The following SLC27A6 variants were observed in gnomAD, a reference collection of about 807,000 sequenced individuals.
SLC27A6 encodes the protein solute carrier family 27 member 6.
A neutral mutation model predicts 63.9 loss-of-function variants in SLC27A6; 74 were observed. That is an observed-to-expected ratio of 1.16 (90% CI 0.96 to 1.40). The LOEUF (loss-of-function observed/expected upper bound fraction) is 1.40. SLC27A6 is among the 40% of genes most tolerant of loss of function. The pLI, the probability that SLC27A6 is intolerant of heterozygous loss-of-function variation, is 0.00. For missense variants in SLC27A6, 794 were observed against 732.9 expected (o/e 1.08, Z -0.96); for synonymous variants, 287 against 260.8 (o/e 1.10, Z -0.97).
chr5:128,975,840 A>G (rs1750357971), intron 1 of SLC27A6, among the ~76,000 whole-genome samples: 2 of 152,146 alleles, frequency 1.3e-5, no homozygotes, highest in Non-Finnish European at 1.5e-5. Context: ...CAGTAAATAC[A>G]TGTTCAACAG....
At chr5:129,014,536 C>A (rs1580738910) in intron 4 of SLC27A6, among the ~76,000 whole-genome samples, 2 of 152,208 alleles carry the variant, frequency 1.3e-5, no homozygotes, top group East Asian at 3.9e-4. Flanking sequence ...GCCTCCAAAT[C>A]CATTTTAGTT....
rs1580755338 is a variant in SLC27A6, at chr5:129,033,153, G to T, written c.1731G>T (p.Leu577Phe). ...TGTFKLLKHQ[L>F]VEDGFNPLKI... ...CATTCAAACTATTGAAGCATCAGTT[G>T]GTGGAAGATGGATTTAATCCACTGA... The change falls in exon 10 of 10, where the codon TTG becomes TTT. Residue 577 changes from leucine to phenylalanine, a missense_variant. Physicochemically the swap from Leu to Phe is conservative, Grantham distance 22. Transcript: ENST00000262462. 1 of 1,608,908 alleles carries T rather than the reference G, an allele frequency of 6.2e-7. No individual in the cohort carries two copies. The highest frequency in any genetic ancestry group is 1.7e-5 in the Admixed American group (1 of 59,416).
chr5:129,031,561 T>G (rs1460211583), intron 9 of SLC27A6, among the ~76,000 whole-genome samples: 1 of 151,996 alleles, frequency 6.6e-6, no homozygotes, highest in African/African-American at 2.4e-5. Context: ...TTAGTCAAAA[T>G]GCATCTTAGG....
intron 4 of SLC27A6, among the ~76,000 whole-genome samples, chr5:129,014,226 G>T (rs915320267): frequency 9.2e-5 from 14 of 152,256 alleles, no homozygotes; most frequent in African/African-American, 3.1e-4. Flanking sequence ...TCTAAGCAAA[G>T]AGCTTATTTG....
intron 3 of SLC27A6, 132 bp downstream of exon 3, chr5:128,988,890 T>C (rs1329361267): frequency 7.9e-6 from 5 of 629,752 alleles, no homozygotes; most frequent in Admixed American, 3.2e-5. Context: ...TAACACAATA[T>C]TTATTTTAAA....
chr5:129,003,215 C>G (rs1403576427), intron 4 of SLC27A6, among the ~76,000 whole-genome samples: 1 of 152,210 alleles, frequency 6.6e-6, no homozygotes, highest in Non-Finnish European at 1.5e-5. Flanking sequence ...GGGTTTCTCT[C>G]TGTCTCTGTG....
In SLC27A6 at chr5:129,006,334, C is replaced by A. The variant is rs1028593034; in HGVS notation, c.970-9551C>A. On this transcript the variant is annotated intron_variant, in intron 4 of 9. Transcript: ENST00000262462. Reference sequence around the variant, plus strand: ...CTCGATCTCCTGACCTCGTGATCTGCCCGCCTCGGTCTCCCAAAGTGCTGG... The same window carrying A: ...CTCGATCTCCTGACCTCGTGATCTGACCGCCTCGGTCTCCCAAAGTGCTGG... 2.6e-5 allele frequency among the ~76,000 whole-genome samples: 4 copies of A among 152,048 alleles called. No homozygotes were observed. In the East Asian group the frequency reaches 5.8e-4, roughly 22 times the overall value.
At chr5:128,992,760 A>G (rs1186807038) in intron 4 of SLC27A6, among the ~76,000 whole-genome samples, 7 of 152,314 alleles carry the variant, frequency 4.6e-5, no homozygotes, top group African/African-American at 1.7e-4. Flanking sequence ...AGGTTAATTT[A>G]GGGAATTAAT....
intron 4 of SLC27A6, among the ~76,000 whole-genome samples, chr5:129,002,984 G>T (rs1450367131): frequency 6.6e-6 from 1 of 152,154 alleles, no homozygotes; most frequent in Non-Finnish European, 1.5e-5. Context: ...GTGGGTCTCA[G>T]TGCCTTTATT....
chr5:128,988,199 T>C (rs1287756740), intron 2 of SLC27A6, among the ~76,000 whole-genome samples: 1 of 152,066 alleles, frequency 6.6e-6, no homozygotes, highest in Non-Finnish European at 1.5e-5. Context: ...GCCATTCAAG[T>C]GTATAGGTGG....
intron 5 of SLC27A6, 44 bp from the exon 6 acceptor site, chr5:129,023,572 CAAGT>C (rs747217598): frequency 2.1e-5 from 29 of 1,351,518 alleles, no homozygotes; most frequent in Non-Finnish European, 2.6e-5. Context: ...ACTAAATGCA[CAAGT>C]AACTAAATGC....
rs542192914 is a variant in SLC27A6 at position 128,971,919 on chromosome 5, T to A, written c.481+5301T>A. Among the ~76,000 whole-genome samples the A allele has an allele frequency of 6.6e-5, 10 of 152,270 alleles. No homozygotes were observed. In the East Asian group the frequency reaches 1.9e-3, roughly 29 times the overall value. ...CTGGTACTGGTTGTTCCTTTCCACATTTAGTGCTTCCTTTAGGAGCGCTTG... is the reference window on the plus strand; with the variant it reads ...CTGGTACTGGTTGTTCCTTTCCACAATTAGTGCTTCCTTTAGGAGCGCTTG... On this transcript the variant is annotated intron_variant, in intron 1 of 9. Transcript: ENST00000262462.
chr5:129,016,382 C>T (rs1322113954), intron 5 of SLC27A6, among the ~76,000 whole-genome samples: 5 of 118,088 alleles, frequency 4.2e-5, no homozygotes, highest in African/African-American at 1.4e-4. Context: ...GGCGACAGAG[C>T]GAGACTCTGT....
At chr5:129,023,779 G>A in intron 6 of SLC27A6, 69 bp downstream of exon 6, 2 of 1,110,952 alleles carry the variant, frequency 1.8e-6, no homozygotes, top group Admixed American at 2.1e-5. Context: ...ACATCCCTTG[G>A]TATCCTTGGG....
intron 1 of SLC27A6, among the ~76,000 whole-genome samples, chr5:128,980,344 A>T (rs1002988220): frequency 6.6e-6 from 1 of 152,208 alleles, no homozygotes; most frequent in African/African-American, 2.4e-5. Flanking sequence ...TCAAAAGAGG[A>T]GAGGGAGACT....
At chr5:128,975,625 G>T (rs2150129309) in intron 1 of SLC27A6, among the ~76,000 whole-genome samples, 1 of 152,240 alleles carries the variant, frequency 6.6e-6, no homozygotes, top group Middle Eastern at 3.4e-3. Flanking sequence ...GACTACTGTT[G>T]TATATGCAGT....
intron 4 of SLC27A6, among the ~76,000 whole-genome samples, chr5:129,005,315 A>G (rs1300284322): frequency 6.6e-6 from 1 of 152,230 alleles, no homozygotes; most frequent in Non-Finnish European, 1.5e-5. Context: ...AGGAAACATA[A>G]AAGGAAAACA....
chr5:129,010,525 A>C (rs963103699), intron 4 of SLC27A6, among the ~76,000 whole-genome samples: 5 of 152,206 alleles, frequency 3.3e-5, no homozygotes, highest in Non-Finnish European at 1.5e-5. Flanking sequence ...GACTCAGCAT[A>C]GGGGAAGTTG....
intron 1 of SLC27A6, among the ~76,000 whole-genome samples, chr5:128,967,916 C>T (rs950381274): frequency 4.6e-5 from 7 of 152,070 alleles, no homozygotes; most frequent in African/African-American, 1.7e-4. Flanking sequence ...CCCCACTCCC[C>T]CCACCCCACG....
Sources: allele counts gnomAD v4.1 joint callset (sites outside exome capture counted in the v4.1 genomes callset), GRCh38; gene constraint gnomAD v4.1.1; transcripts MANE v1.5; gene names NCBI Gene and HGNC (gene_info 2026-07-23, HGNC 2026-07-21).